The following RPL22 variants were observed in gnomAD, a reference collection of about 807,000 sequenced individuals.
The protein encoded by RPL22 is ribosomal protein L22, also known as large ribosomal subunit protein eL22.
In RPL22, 4 loss-of-function variants were observed where a neutral mutation model predicts 16.2. The observed-to-expected ratio is 0.25, with a 90% CI of 0.12 to 0.57. RPL22 has a LOEUF of 0.57. Ranked by LOEUF, RPL22 falls within the 20% of genes least tolerant of loss-of-function variation. RPL22 has a pLI of 0.92. For missense variants in RPL22, 83 were observed against 156.1 expected, an observed-to-expected ratio of 0.53 and a Z score of 2.49; for synonymous variants, 43 against 54.8, an observed-to-expected ratio of 0.78 and a Z score of 0.95.
chr1:6,185,047 A>G lies in RPL22; in HGVS notation c.*1625T>C. 2.9e-6 allele frequency: 1 copy of G among 339,658 alleles called. No homozygotes were observed. The highest frequency in any genetic ancestry group is 5.3e-6 in the Non-Finnish European group (1 of 189,596). The allele number at this position is 339,658 out of a possible 1,614,324, so 21.0% of individuals were successfully genotyped here. On this transcript the variant is annotated 3_prime_UTR_variant, in exon 4 of 4. Transcript: ENST00000234875. ...CAGTAAGAGTAGCCAGGTGTTAGCC[A>G]CTTTAATAGAAAATATGATCAAAAC... is the stretch of plus-strand genomic sequence containing the variant.
chr1:6,193,029 T>C lies in RPL22; in HGVS notation c.143A>G (p.Lys48Arg). The change falls in exon 3 of 4, where the codon AAA becomes AGA. Residue 48 changes from lysine to arginine, a missense_variant. Physicochemically the swap from Lys to Arg is conservative, Grantham distance 26. Coordinates refer to ENST00000234875, the MANE Select transcript of RPL22 (RefSeq NM_000983.4). ...AAGGTTCCCAGCTTTTCCGTTCACT[T>C]TGATCCTTTCTTGCAAAAACTGCTC... ...NFEQFLQERI[K>R]VNGKAGNLGG... 6.2e-7 allele frequency: 1 copy of C among 1,614,224 alleles called. No individual in the cohort carries two copies. Among genetic ancestry groups the C allele is most frequent in the Non-Finnish European group, 8.5e-7 (1 of 1,180,024 alleles).
intron 3 of RPL22, among the ~76,000 whole-genome samples, chr1:6,187,613 C>CAAAAAA (rs796081884): frequency 1.4e-4 from 10 of 72,686 alleles, no homozygotes; most frequent in African/African-American, 3.8e-4. Context: ...GACTCCATCT[C>CAAAAAA]AAAAAAAAAA....
chr1:6,197,155 G>A (rs1254869689), intron 2 of RPL22, among the ~76,000 whole-genome samples: 3 of 152,164 alleles, frequency 2.0e-5, no homozygotes, highest in African/African-American at 2.4e-5. Context: ...GCAGCCTCCC[G>A]AGTAGCTGGG....
chr1:6,186,340 A>G lies in RPL22; in HGVS notation c.*332T>C. ...TATCCCTGAATCATTGAGAAAAGCA[A>G]CAGATACAACTGACAGTCACACTTT... On this transcript the variant is annotated 3_prime_UTR_variant, in exon 4 of 4. Transcript: ENST00000234875. The G allele has an allele frequency of 7.3e-6, 2 of 274,440 alleles. No homozygotes were observed. Among genetic ancestry groups the G allele is most frequent in the Non-Finnish European group, 6.9e-6 (1 of 145,322 alleles). 17.0% of individuals were successfully genotyped at this position (274,440 alleles called of 1,614,324 possible).
rs1174139447 is a variant in RPL22, at chr1:6,185,882, CTCTT to C, written c.*786_*789del. 2 of 230,408 alleles carry C rather than the reference CTCTT, an allele frequency of 8.7e-6. No homozygotes were observed. The highest frequency in any genetic ancestry group is 4.4e-5 in the African/African-American group (2 of 45,212). The allele number at this position is 230,408 out of a possible 1,614,324, so 14.3% of individuals were successfully genotyped here. A position where few individuals can be genotyped will look rare whatever the true frequency, so the allele number is the denominator to read the frequency against. On this transcript the variant is annotated 3_prime_UTR_variant, in exon 4 of 4. Coordinates refer to ENST00000234875, the MANE Select transcript of RPL22 (RefSeq NM_000983.4). Reference sequence around the variant, plus strand: ...CCCAGTCACTCCTCCTTCGTGTCCCCTCTTTCAAGAACCTCCAGAGCTCTTGGCA... The same window carrying C: ...CCCAGTCACTCCTCCTTCGTGTCCCCTCAAGAACCTCCAGAGCTCTTGGCA...
At chr1:6,187,306 CAAAAAAA>C (rs945050337) in intron 3 of RPL22, among the ~76,000 whole-genome samples, 3 of 146,930 alleles carry the variant, frequency 2.0e-5, no homozygotes, top group East Asian at 2.0e-4. Context: ...AGACTGCCTC[CAAAAAAA>C]GAAAAAAGAA....
intron 2 of RPL22, 104 bp from the exon 3 acceptor site, chr1:6,193,158 G>C (rs760566842): frequency 4.0e-5 from 56 of 1,417,572 alleles, no homozygotes; most frequent in Admixed American, 9.1e-5. Flanking sequence ...TTTTGTTTTG[G>C]TTTTGGAGAC....
intron 2 of RPL22, among the ~76,000 whole-genome samples, chr1:6,195,064 T>C (rs1209228744): frequency 1.4e-5 from 2 of 146,428 alleles, no homozygotes; most frequent in Admixed American, 6.8e-5. Flanking sequence ...ATGAACACGG[T>C]AGGCGGAGCT....
intron 3 of RPL22, among the ~76,000 whole-genome samples, chr1:6,188,247 G>C (rs1475352213): frequency 6.6e-6 from 1 of 152,092 alleles, no homozygotes; most frequent in African/African-American, 2.4e-5. Context: ...TGGCCAGTCT[G>C]GTCTCGAACT....
At chr1:6,190,438 T>C (rs775989516) in intron 3 of RPL22, among the ~76,000 whole-genome samples, 1 of 152,238 alleles carries the variant, frequency 6.6e-6, no homozygotes, top group Non-Finnish European at 1.5e-5. Flanking sequence ...TGGAGTGCAA[T>C]GGTGCTATCT....
chr1:6,195,713 T>C (rs1331082291), intron 2 of RPL22, among the ~76,000 whole-genome samples: 1 of 151,778 alleles, frequency 6.6e-6, no homozygotes, highest in Non-Finnish European at 1.5e-5. Context: ...ATCACACCAT[T>C]GCACTCCAGC....
intron 3 of RPL22, among the ~76,000 whole-genome samples, chr1:6,187,037 G>A (rs1011957173): frequency 6.6e-6 from 1 of 152,220 alleles, no homozygotes; most frequent in Admixed American, 6.5e-5. Flanking sequence ...CCTCAGCATG[G>A]TGGCTCAGGC....
chr1:6,188,312 G>A (rs1352953963), intron 3 of RPL22, among the ~76,000 whole-genome samples: 2 of 151,978 alleles, frequency 1.3e-5, no homozygotes, highest in African/African-American at 2.4e-5. Flanking sequence ...GATTATAGCT[G>A]TGAGCCACTG....
chr1:6,199,518 C>G lies in RPL22; in HGVS notation c.12+44G>C, dbSNP rs747884052. The G allele has an allele frequency of 7.1e-6, 11 of 1,550,400 alleles. No homozygotes were observed. The Admixed American group carries it at 2.2e-4, about 30-fold the overall frequency. ...TAGATGCCGGGCTCGGCGAGGCCCA[C>G]GTGCCTCCCCTGGAGCCGAGGCCTC... is the stretch of plus-strand genomic sequence containing the variant. On this transcript the variant is annotated intron_variant, in intron 1 of 3. Coordinates refer to ENST00000234875, the MANE Select transcript of RPL22 (RefSeq NM_000983.4).
intron 2 of RPL22, among the ~76,000 whole-genome samples, chr1:6,193,457 G>T (rs529168598): frequency 6.6e-6 from 1 of 152,072 alleles, no homozygotes; most frequent in Admixed American, 6.6e-5. Context: ...CCAAGTAGCT[G>T]GGATTACAGG....
At chr1:6,188,532 A>AT (rs903260950) in intron 3 of RPL22, among the ~76,000 whole-genome samples, 112 of 142,688 alleles carry the variant, frequency 7.8e-4, no homozygotes, top group African/African-American at 2.4e-3. Flanking sequence ...TCTACACAAC[A>AT]TTTTTTTTTT....
chr1:6,185,552 A>G lies in RPL22; in HGVS notation c.*1120T>C, dbSNP rs1241676274. On this transcript the variant is annotated 3_prime_UTR_variant, in exon 4 of 4. Transcript: ENST00000234875. ...CTTCCAGCTATGCAACTCGCAGGGCACAATTTCAAGTGTGGAAACCATCTG... is the reference window on the plus strand; with the variant it reads ...CTTCCAGCTATGCAACTCGCAGGGCGCAATTTCAAGTGTGGAAACCATCTG... 2 of 395,418 alleles carry G rather than the reference A, an allele frequency of 5.1e-6. No homozygotes were observed. The highest frequency in any genetic ancestry group is 8.9e-6 in the Non-Finnish European group (2 of 224,418). 24.5% of individuals were successfully genotyped at this position (395,418 alleles called of 1,614,324 possible).
intron 2 of RPL22, among the ~76,000 whole-genome samples, chr1:6,196,614 C>T (rs1412367462): frequency 6.6e-6 from 1 of 152,052 alleles, no homozygotes; most frequent in African/African-American, 2.4e-5. Context: ...AAGTCTGAAT[C>T]CCCCAAACAT....
intron 3 of RPL22, among the ~76,000 whole-genome samples, chr1:6,189,893 C>G (rs1246957625): frequency 6.6e-6 from 1 of 152,150 alleles, no homozygotes; most frequent in African/African-American, 2.4e-5. Flanking sequence ...TGCACTCCAG[C>G]CTAGACAAGA....
Sources: allele counts gnomAD v4.1 joint callset (sites outside exome capture counted in the v4.1 genomes callset), GRCh38; gene constraint gnomAD v4.1.1; transcripts MANE v1.5; gene names NCBI Gene and HGNC (gene_info 2026-07-23, HGNC 2026-07-21).